COL15A1: variants seen among roughly 807,000 people sequenced by gnomAD.
COL15A1 encodes the protein collagen type XV alpha 1 chain.
COL15A1 carries 111 observed loss-of-function variants against 165.9 expected under a neutral mutation model. The observed-to-expected ratio is 0.67, with a 90% confidence interval of 0.57 to 0.78. The LOEUF (loss-of-function observed/expected upper bound fraction) is 0.78. COL15A1 is among the 30% of genes least tolerant of loss of function. The pLI is 0.00. For synonymous variants in COL15A1, 659 were observed against 674.8 expected (o/e 0.98, Z 0.36); for missense variants, 1,745 against 1,789.7 (o/e 0.98, Z 0.45).
intron 21 of COL15A1, 42 bp downstream of exon 21, chr9:99,036,438 C>T: frequency 1.9e-6 from 3 of 1,603,438 alleles, no homozygotes; most frequent in Non-Finnish European, 2.6e-6. Context: ...ATATTTTCCA[C>T]CTTTGCCAAA....
intron 2 of COL15A1, among the ~76,000 whole-genome samples, chr9:98,944,793 G>T (rs1043922333): frequency 6.6e-6 from 1 of 152,254 alleles, no homozygotes; most frequent in Admixed American, 6.5e-5. Context: ...ACCGGTGGTG[G>T]AAAGAGCTGT....
chr9:98,948,978 A>ATT (rs1417764553), intron 2 of COL15A1, among the ~76,000 whole-genome samples: 2 of 152,210 alleles, frequency 1.3e-5, no homozygotes, highest in Admixed American at 6.5e-5. Context: ...AGGTCTCCTA[A>ATT]ACCCCTTTGC....
intron 10 of COL15A1, 128 bp from the exon 11 acceptor site, chr9:99,015,848 G>A: frequency 1.8e-6 from 2 of 1,121,644 alleles, no homozygotes; most frequent in Non-Finnish European, 2.6e-6. Context: ...GGTGTGCTGG[G>A]GGTAACGATG....
chr9:99,066,768 C>T, intron 39 of COL15A1, 114 bp from the exon 40 acceptor site: 1 of 903,802 alleles, frequency 1.1e-6, no homozygotes, highest in Non-Finnish European at 1.7e-6. Flanking sequence ...AAAATGACCT[C>T]CAACGTGCCT....
chr9:99,033,887 G>A (rs1839252104), intron 16 of COL15A1, among the ~76,000 whole-genome samples: 1 of 152,038 alleles, frequency 6.6e-6, no homozygotes, highest in Non-Finnish European at 1.5e-5. Flanking sequence ...CCTCATTGCT[G>A]ACCACTCCTG....
chr9:99,043,745 T>A (rs933193340), intron 24 of COL15A1, among the ~76,000 whole-genome samples: 2 of 152,166 alleles, frequency 1.3e-5, no homozygotes, highest in South Asian at 2.1e-4. Context: ...GGCTCAGCCC[T>A]GCTCCCCAGG....
At chr9:99,016,300 T>C (rs1362955184) in intron 11 of COL15A1, among the ~76,000 whole-genome samples, 181 bp downstream of exon 11, 2 of 152,182 alleles carry the variant, frequency 1.3e-5, no homozygotes, top group Admixed American at 6.5e-5. Flanking sequence ...CTCCAGATCA[T>C]AGAGAAAAAG....
chr9:98,987,027 G>C (rs750197952), intron 3 of COL15A1, among the ~76,000 whole-genome samples: 1 of 152,130 alleles, frequency 6.6e-6, no homozygotes, highest in Non-Finnish European at 1.5e-5. Context: ...GAGACAGGAG[G>C]CTGCTGTGGT....
intron 2 of COL15A1, among the ~76,000 whole-genome samples, chr9:98,959,195 A>G (rs963212497): frequency 1.3e-4 from 19 of 141,450 alleles, no homozygotes; most frequent in African/African-American, 5.1e-4. Flanking sequence ...GTTCGAGACC[A>G]GCCTAGGCAA....
chr9:99,030,700 A>G (rs1205872780), intron 16 of COL15A1, among the ~76,000 whole-genome samples: 2 of 152,214 alleles, frequency 1.3e-5, no homozygotes, highest in Non-Finnish European at 1.5e-5. Context: ...TTTTCACTTT[A>G]TGGACATAAT....
At chr9:99,040,075 C>G (rs990856852) in intron 22 of COL15A1, among the ~76,000 whole-genome samples, 2 of 152,188 alleles carry the variant, frequency 1.3e-5, no homozygotes, top group Non-Finnish European at 2.9e-5. Flanking sequence ...CATTTGATTT[C>G]TATGAAAACC....
chr9:98,948,321 G>A (rs985690905), intron 2 of COL15A1, among the ~76,000 whole-genome samples: 2 of 152,080 alleles, frequency 1.3e-5, no homozygotes, highest in Admixed American at 6.6e-5. Context: ...CTTGTCGGCC[G>A]GGCGCGGTGG....
chr9:99,002,098 C>G (rs1279884011), intron 7 of COL15A1, among the ~76,000 whole-genome samples: 6 of 148,160 alleles, frequency 4.0e-5, no homozygotes, highest in Admixed American at 1.3e-4. Flanking sequence ...TCCCCTTTCC[C>G]TCTCACCTCC....
chr9:99,018,169 G>C (rs1441527407), intron 11 of COL15A1, among the ~76,000 whole-genome samples: 1 of 152,112 alleles, frequency 6.6e-6, no homozygotes, highest in Non-Finnish European at 1.5e-5. Flanking sequence ...TAATGCCCTG[G>C]CTATTTTGTT....
At chr9:99,018,125 C>G (rs1275465931) in intron 11 of COL15A1, among the ~76,000 whole-genome samples, 1 of 152,184 alleles carries the variant, frequency 6.6e-6, no homozygotes, top group Non-Finnish European at 1.5e-5. Flanking sequence ...CACGATGCAT[C>G]TAACAAAATG....
At chr9:98,994,289 G>C (rs73503709) in intron 5 of COL15A1, among the ~76,000 whole-genome samples, 4,405 of 152,066 alleles carry the variant, frequency 0.029, 187 homozygotes, top group African/African-American at 0.093. Context: ...CCTCAGCCAG[G>C]GCCTCTTTCC....
At chr9:99,008,630 G>A (rs926005251) in intron 9 of COL15A1, among the ~76,000 whole-genome samples, 4 of 151,734 alleles carry the variant, frequency 2.6e-5, no homozygotes, top group African/African-American at 9.7e-5. Flanking sequence ...TTTTTTTGAG[G>A]CTGAGTTTCT....
chr9:98,951,761 T>C (rs1445669608), intron 2 of COL15A1, among the ~76,000 whole-genome samples: 1 of 152,220 alleles, frequency 6.6e-6, no homozygotes, highest in African/African-American at 2.4e-5. Context: ...TTTTGCTGTG[T>C]TGCCCAGGCT....
At chr9:98,990,831 T>C (rs1287008270) in intron 5 of COL15A1, among the ~76,000 whole-genome samples, 3 of 152,192 alleles carry the variant, frequency 2.0e-5, no homozygotes, top group Non-Finnish European at 4.4e-5. Context: ...GGGTTCTTGG[T>C]CTCACCGACT....
Sources: allele counts gnomAD v4.1 joint callset (sites outside exome capture counted in the v4.1 genomes callset), GRCh38; gene constraint gnomAD v4.1.1; transcripts MANE v1.5; gene names NCBI Gene and HGNC (gene_info 2026-07-23, HGNC 2026-07-21).